CCL11: variants seen among roughly 807,000 people sequenced by gnomAD.
CCL11 encodes eotaxin.
In CCL11, 7 loss-of-function variants were observed where a neutral mutation model predicts 7.3. That is an observed-to-expected ratio of 0.96 (90% CI 0.55 to 1.81). The LOEUF (loss-of-function observed/expected upper bound fraction) is 1.81, where lower values mean the gene tolerates loss of function less well. Among genes scored for constraint, CCL11 ranks in the 40% most tolerant of loss-of-function variants. CCL11 has a pLI of 0.00. For synonymous variants in CCL11, 66 were observed against 45.2 expected, an observed-to-expected ratio of 1.46 and a Z score of -1.84; for missense variants, 132 against 114.2, an observed-to-expected ratio of 1.16 and a Z score of -0.71.
rs1000554042 is a variant in CCL11 at position 34,287,931 on chromosome 17, C to A, written c.*241C>A. 2 of 193,200 alleles carry A rather than the reference C, an allele frequency of 1.0e-5. No homozygotes were observed. Among genetic ancestry groups the A allele is most frequent in the Non-Finnish European group, 2.1e-5 (2 of 97,282 alleles). The allele number at this position is 193,200 out of a possible 1,614,324, so 12.0% of individuals were successfully genotyped here. On this transcript the variant is annotated 3_prime_UTR_variant, in exon 3 of 3. Transcript: ENST00000305869. Reference sequence around the variant, plus strand: ...AAAGCTTTGTGCAGATTCTTTACCCCCTGGGAGCCCCAATTCGATCCCCTG... The same window carrying A: ...AAAGCTTTGTGCAGATTCTTTACCCACTGGGAGCCCCAATTCGATCCCCTG...
chr17:34,287,665 A>G lies in CCL11; in HGVS notation c.269A>G (p.Gln90Arg). ...CAGGATTCCATGAAGTATCTGGACC[A>G]AAAATCTCCAACTCCAAAGCCATAA... Reference protein sequence around the residue: ...WVQDSMKYLDQKSPTPKP With the variant: ...WVQDSMKYLDRKSPTPKP The change falls in exon 3 of 3, where the codon CAA (glutamine) becomes CGA (arginine). Residue 90 changes from glutamine (Q) to arginine (R), a missense_variant. Coordinates refer to ENST00000305869, the MANE Select transcript of CCL11 (RefSeq NM_002986.3). 1 of 1,612,750 alleles carries G rather than the reference A, an allele frequency of 6.2e-7. No individual in the cohort carries two copies. Among genetic ancestry groups the G allele is most frequent in the Non-Finnish European group, 8.5e-7 (1 of 1,178,804 alleles).
chr17:34,286,233 AATTC>A (rs1908628179), intron 1 of CCL11, among the ~76,000 whole-genome samples: 1 of 152,168 alleles, frequency 6.6e-6, no homozygotes, highest in Middle Eastern at 3.2e-3. Context: ...TCAGTATGTT[AATTC>A]GACTCCAGGA....
chr17:34,287,785 C>A lies in CCL11; in HGVS notation c.*95C>A. ...ATTCTGAGGTAACCTCATTATCAGT[C>A]CAAAGGGCATGGGTTTTATTATATA... On this transcript the variant is annotated 3_prime_UTR_variant, in exon 3 of 3. Transcript: ENST00000305869. 2 of 670,692 alleles carry A rather than the reference C, an allele frequency of 3.0e-6. No homozygotes were observed. Among genetic ancestry groups the A allele is most frequent in the South Asian group, 3.6e-5 (2 of 55,090 alleles). The allele number at this position is 670,692 out of a possible 1,614,324, so 41.5% of individuals were successfully genotyped here. A position where few individuals can be genotyped will look rare whatever the true frequency, so the allele number is the denominator to read the frequency against.
At chr17:34,285,932 A>G (rs375377635) in intron 1 of CCL11, 48 bp downstream of exon 1, 4 of 1,276,130 alleles carry the variant, frequency 3.1e-6, no homozygotes, top group African/African-American at 3.0e-5. Flanking sequence ...CCACCTCCAG[A>G]GCTACTAGGT....
intron 1 of CCL11, 62 bp from the exon 2 acceptor site, chr17:34,287,034 T>C (rs990695330): frequency 1.9e-6 from 2 of 1,068,760 alleles, no homozygotes; most frequent in South Asian, 2.5e-5. Flanking sequence ...TGCTTGGAAA[T>C]GTCTATGTAT....
In CCL11 at chr17:34,287,622, C is replaced by G; in HGVS notation, c.226C>G (p.Pro76Ala). 1 of 1,613,840 alleles carries G rather than the reference C, an allele frequency of 6.2e-7. No individual in the cohort carries two copies. The highest frequency in any genetic ancestry group is 8.5e-7 in the Non-Finnish European group (1 of 1,179,922). Residue 76 changes from proline (P) to alanine (A), a missense_variant, in exon 3 of 3, where the codon CCC becomes GCC. Pro to Ala is a conservative substitution (Grantham distance 27, BLOSUM62 -1). Coordinates refer to ENST00000305869, the MANE Select transcript of CCL11 (RefSeq NM_002986.3). ...ACTGGCCAAGGATATCTGTGCCGAC[C>G]CCAAGAAGAAGTGGGTGCAGGATTC... is the stretch of plus-strand genomic sequence containing the variant. ...TKLAKDICADPKKKWVQDSMK... is the reference protein window; with the variant it reads ...TKLAKDICADAKKKWVQDSMK...
In CCL11 at chr17:34,287,694, A is replaced by G. The variant is rs1318573623; in HGVS notation, c.*4A>G. The G allele has an allele frequency of 6.2e-7, 1 of 1,603,074 alleles. No homozygotes were observed. The highest frequency in any genetic ancestry group is 8.5e-7 in the Non-Finnish European group (1 of 1,170,186). ...ATCTCCAACTCCAAAGCCATAAATAATCACCATTTTTGAAACCAAACCAGA... is the reference window on the plus strand; with the variant it reads ...ATCTCCAACTCCAAAGCCATAAATAGTCACCATTTTTGAAACCAAACCAGA... On this transcript the variant is annotated 3_prime_UTR_variant, in exon 3 of 3. Transcript: ENST00000305869.
intron 1 of CCL11, among the ~76,000 whole-genome samples, chr17:34,286,152 G>T (rs1908626271): frequency 6.6e-6 from 1 of 152,196 alleles, no homozygotes; most frequent in Non-Finnish European, 1.5e-5. Context: ...ATGGGGAATG[G>T]CTCTGTCTTA....
In CCL11 at chr17:34,287,616, G is replaced by A. The variant is rs1322978912; in HGVS notation, c.220G>A (p.Ala74Thr). Residue 74 changes from alanine to threonine, a missense_variant, in exon 3 of 3, where the codon GCC (alanine) becomes ACC (threonine). Ala to Thr is a moderately conservative substitution (Grantham distance 58). Coordinates refer to ENST00000305869, the MANE Select transcript of CCL11 (RefSeq NM_002986.3). ...FKTKLAKDIC[A>T]DPKKKWVQDS... is the part of the protein sequence containing the mutation. The stretch of plus-strand genomic sequence containing the variant: ...GACCAAACTGGCCAAGGATATCTGT[G>A]CCGACCCCAAGAAGAAGTGGGTGCA... 1.9e-6 allele frequency: 3 copies of A among 1,613,700 alleles called. No homozygotes were observed. In the South Asian group the frequency reaches 3.3e-5, roughly 18 times the overall value.
chr17:34,286,072 G>T (rs1908622923), intron 1 of CCL11, among the ~76,000 whole-genome samples, 188 bp downstream of exon 1: 1 of 152,200 alleles, frequency 6.6e-6, no homozygotes, highest in South Asian at 2.1e-4. Context: ...GAAAGCTCCC[G>T]AGTCTTTTCC....
At chr17:34,287,488 C>A in intron 2 of CCL11, 97 bp from the exon 3 acceptor site, 1 of 854,946 alleles carries the variant, frequency 1.2e-6, no homozygotes, top group South Asian at 1.4e-5. Flanking sequence ...TCCGTAGCAA[C>A]CCTTTGTCCA....
Position 34,287,927 on chromosome 17 carries a change from AC to A in CCL11, c.*242del, listed in dbSNP as rs1908696757. 5.1e-6 allele frequency: 1 copy of A among 195,582 alleles called. No homozygotes were observed. The highest frequency in any genetic ancestry group is 1.2e-4 in the East Asian group (1 of 8,558). 12.1% of individuals were successfully genotyped at this position (195,582 alleles called of 1,614,324 possible). A position where few individuals can be genotyped will look rare whatever the true frequency, so the allele number is the denominator to read the frequency against. On this transcript the variant is annotated 3_prime_UTR_variant, in exon 3 of 3. Transcript: ENST00000305869. ...CTGTAAAGCTTTGTGCAGATTCTTT[AC>A]CCCCTGGGAGCCCCAATTCGATCCC...
In CCL11 at chr17:34,287,948, G is replaced by A. The variant is rs202172123; in HGVS notation, c.*258G>A. ...CTTTACCCCCTGGGAGCCCCAATTCGATCCCCTGTCACGTGTGGGCAATGT... is the reference window on the plus strand; with the variant it reads ...CTTTACCCCCTGGGAGCCCCAATTCAATCCCCTGTCACGTGTGGGCAATGT... On this transcript the variant is annotated 3_prime_UTR_variant, in exon 3 of 3. Coordinates refer to ENST00000305869, the MANE Select transcript of CCL11 (RefSeq NM_002986.3). 5.5e-5 allele frequency: 10 copies of A among 182,252 alleles called. No homozygotes were observed. Among genetic ancestry groups the A allele is most frequent in the East Asian group, 1.3e-4 (1 of 7,492 alleles). The allele number at this position is 182,252 out of a possible 1,614,324, so 11.3% of individuals were successfully genotyped here.
chr17:34,286,455 T>C (rs1267188656), intron 1 of CCL11, among the ~76,000 whole-genome samples: 1 of 152,204 alleles, frequency 6.6e-6, no homozygotes, highest in East Asian at 1.9e-4. Flanking sequence ...TATCAATGAC[T>C]TAACAGAATT....
rs1358526615 is a variant in CCL11 at position 34,287,797 on chromosome 17, G to T, written c.*107G>T. ...CCTCATTATCAGTCCAAAGGGCATG[G>T]GTTTTATTATATATATATATTTTTT... On this transcript the variant is annotated 3_prime_UTR_variant, in exon 3 of 3. Coordinates refer to ENST00000305869, the MANE Select transcript of CCL11 (RefSeq NM_002986.3). The T allele has an allele frequency of 7.9e-6, 4 of 505,742 alleles. No individual in the cohort carries two copies. The highest frequency in any genetic ancestry group is 7.0e-6 in the Non-Finnish European group (2 of 284,950). The allele number at this position is 505,742 out of a possible 1,614,324, so 31.3% of individuals were successfully genotyped here.
At chr17:34,287,045 C>A in intron 1 of CCL11, 51 bp from the exon 2 acceptor site, 1 of 1,211,530 alleles carries the variant, frequency 8.3e-7, no homozygotes, top group Non-Finnish European at 1.2e-6. Context: ...GTCTATGTAT[C>A]ATCATGTGGC....
At chr17:34,286,677 G>T (rs1164108008) in intron 1 of CCL11, among the ~76,000 whole-genome samples, 2 of 152,210 alleles carry the variant, frequency 1.3e-5, no homozygotes, top group Non-Finnish European at 2.9e-5. Context: ...CCATCACTTT[G>T]TCTCCTTCTT....
intron 1 of CCL11, among the ~76,000 whole-genome samples, chr17:34,286,319 ACT>A (rs1411740636): frequency 6.6e-6 from 1 of 151,802 alleles, no homozygotes; most frequent in Non-Finnish European, 1.5e-5. Context: ...TTATTTTGAC[ACT>A]CTTTGGGAAA....
rs1191869140 is a variant in CCL11 at position 34,285,890 on chromosome 17, C to G, written c.76+6C>G. On this transcript the variant is annotated splice_donor_region_variant and intron_variant, in intron 1 of 2. Coordinates refer to ENST00000305869, the MANE Select transcript of CCL11 (RefSeq NM_002986.3). ...CCAGGGGCTCGCTGGGCCAGGTAAGCCCCCCAACTCCTTACAGGAAAGGTA... is the reference window on the plus strand; with the variant it reads ...CCAGGGGCTCGCTGGGCCAGGTAAGGCCCCCAACTCCTTACAGGAAAGGTA... 1.9e-6 allele frequency: 3 copies of G among 1,599,738 alleles called. No individual in the cohort carries two copies. The highest frequency in any genetic ancestry group is 1.7e-6 in the Non-Finnish European group (2 of 1,171,420).
Sources: gnomAD v4.1 joint callset for allele counts (sites outside exome capture counted in the v4.1 genomes callset) on GRCh38, gnomAD v4.1.1 for gene constraint, MANE v1.5 for transcripts, NCBI Gene and HGNC (gene_info 2026-07-23, HGNC 2026-07-21) for gene names.